HPSE2: variants seen among roughly 807,000 people sequenced by gnomAD.
HPSE2 encodes the protein heparanase 2 (inactive), also known as inactive heparanase-2.
In HPSE2, 38 loss-of-function variants were observed where a neutral mutation model predicts 60.5. That is an observed-to-expected ratio of 0.63 (90% CI 0.48 to 0.82). The LOEUF (loss-of-function observed/expected upper bound fraction) is 0.82. HPSE2 is among the 40% of genes least tolerant of loss of function. The pLI is 0.00. For missense variants in HPSE2, 713 were observed against 740.4 expected (o/e 0.96, Z 0.43); for synonymous variants, 295 against 293.2 (o/e 1.01, Z -0.06).
chr10:98,567,528 C>T (rs1057505712), intron 9 of HPSE2, among the ~76,000 whole-genome samples: 1 of 152,136 alleles, frequency 6.6e-6, no homozygotes, highest in East Asian at 1.9e-4. Flanking sequence ...ATCCTGTCAC[C>T]GGGATTTCTA....
intron 3 of HPSE2, among the ~76,000 whole-genome samples, chr10:98,913,370 T>C (rs993949396): frequency 6.6e-6 from 1 of 152,200 alleles, no homozygotes; most frequent in Non-Finnish European, 1.5e-5. Context: ...ACTTTATTTA[T>C]CTGCTTTAAT....
At chr10:99,222,802 A>G (rs1849356113) in intron 2 of HPSE2, among the ~76,000 whole-genome samples, 1 of 152,110 alleles carries the variant, frequency 6.6e-6, no homozygotes, top group Admixed American at 6.5e-5. Flanking sequence ...TCAACTGTTC[A>G]TGTGTCTTCC....
At chr10:99,232,598 G>C in intron 1 of HPSE2, 93 bp from the exon 2 acceptor site, 1 of 1,398,230 alleles carries the variant, frequency 7.2e-7, no homozygotes, top group Non-Finnish European at 9.9e-7. Flanking sequence ...CTCCCTGAGG[G>C]CGACCTGGCC....
intron 5 of HPSE2, among the ~76,000 whole-genome samples, chr10:98,705,932 A>G (rs915129042): frequency 2.0e-5 from 3 of 152,232 alleles, no homozygotes; most frequent in African/African-American, 7.2e-5. Context: ...AATTCAAAAC[A>G]AAAGAAATAT....
chr10:99,099,768 C>A (rs530044433), intron 3 of HPSE2, among the ~76,000 whole-genome samples: 8 of 152,154 alleles, frequency 5.3e-5, no homozygotes. Context: ...ACACCTCACA[C>A]GGCTGGGTAT....
chr10:98,539,219 C>T (rs1375946152), intron 9 of HPSE2, among the ~76,000 whole-genome samples: 1 of 152,170 alleles, frequency 6.6e-6, no homozygotes, highest in Non-Finnish European at 1.5e-5. Context: ...TGACACTTAC[C>T]CTTCCTTAAA....
At chr10:98,806,872 G>A (rs993041515) in intron 3 of HPSE2, among the ~76,000 whole-genome samples, 3 of 152,078 alleles carry the variant, frequency 2.0e-5, no homozygotes, top group African/African-American at 7.2e-5. Context: ...AGCTGGGTGC[G>A]GTGGCTCACG....
At chr10:99,267,335 T>C in the HPSE2 span, among the ~76,000 whole-genome samples, 1 of 151,504 alleles carries the variant, frequency 6.6e-6, no homozygotes, top group Admixed American at 6.6e-5. Flanking sequence ...GAAATACAAA[T>C]ATACTGGAAA....
At chr10:98,551,479 A>G (rs774071607) in intron 9 of HPSE2, among the ~76,000 whole-genome samples, 2 of 152,174 alleles carry the variant, frequency 1.3e-5, no homozygotes, top group Non-Finnish European at 2.9e-5. Context: ...TGAGACTGTC[A>G]ATAAAGATGC....
chr10:98,674,938 T>G (rs1342910910), intron 6 of HPSE2, among the ~76,000 whole-genome samples: 1 of 152,128 alleles, frequency 6.6e-6, no homozygotes, highest in Admixed American at 6.5e-5. Flanking sequence ...GAGGCACCAC[T>G]ACATGAATGT....
the HPSE2 span, among the ~76,000 whole-genome samples, chr10:99,259,527 G>A: frequency 6.6e-6 from 1 of 152,092 alleles, no homozygotes; most frequent in Admixed American, 6.5e-5. Flanking sequence ...AAAATTGCAC[G>A]AAAAGATGCT....
chr10:98,877,770 T>C (rs1291398003), intron 3 of HPSE2, among the ~76,000 whole-genome samples: 2 of 151,926 alleles, frequency 1.3e-5, no homozygotes, highest in East Asian at 3.9e-4. Context: ...TGCCCAGGCC[T>C]GTGTTCTAGT....
the HPSE2 span, among the ~76,000 whole-genome samples, chr10:99,305,979 G>GCGCGCGCGCGCGCACACACA: frequency 1.6e-4 from 13 of 80,582 alleles, no homozygotes; most frequent in Admixed American, 2.4e-4. Flanking sequence ...GCGCGCGCGC[G>GCGCGCGCGCGCGCACACACA]CACACACACA....
At chr10:98,862,612 T>A (rs1952484891) in intron 3 of HPSE2, among the ~76,000 whole-genome samples, 1 of 152,180 alleles carries the variant, frequency 6.6e-6, no homozygotes, top group Admixed American at 6.5e-5. Flanking sequence ...AAGGATATAC[T>A]AGGCTTAGCA....
chr10:98,980,258 T>A (rs554484164), intron 3 of HPSE2, among the ~76,000 whole-genome samples: 16 of 152,346 alleles, frequency 1.1e-4, no homozygotes, highest in African/African-American at 3.6e-4. Context: ...TATGTTAATC[T>A]TTTAGTACAT....
rs1377642951 is a variant in HPSE2 at position 98,928,841 on chromosome 10, G to C, written c.611-184785C>G. Reference sequence around the variant, plus strand: ...CATCACACTCTGGGGACTGTTGTGGGGTGGGGGGAGGGGGGAGGGATAGCA... The same window carrying C: ...CATCACACTCTGGGGACTGTTGTGGCGTGGGGGGAGGGGGGAGGGATAGCA... On this transcript the variant is annotated intron_variant, in intron 3 of 11. Transcript: ENST00000370552. Among the ~76,000 whole-genome samples the C allele has an allele frequency of 9.3e-5, 9 of 96,700 alleles. No homozygotes were observed. In the East Asian group the frequency reaches 3.1e-3, roughly 33 times the overall value. The allele number at this position is 96,700 out of a possible 152,430, so 63.4% of individuals were successfully genotyped here. A position where few individuals can be genotyped will look rare whatever the true frequency, so the allele number is the denominator to read the frequency against.
intron 3 of HPSE2, among the ~76,000 whole-genome samples, chr10:98,763,288 T>C (rs1314414039): frequency 6.6e-6 from 1 of 151,928 alleles, no homozygotes; most frequent in Non-Finnish European, 1.5e-5. Flanking sequence ...AAAGAAACAG[T>C]AGTTGAAAAC....
chr10:99,091,735 G>A (rs1386160055), intron 3 of HPSE2, among the ~76,000 whole-genome samples: 1 of 152,128 alleles, frequency 6.6e-6, no homozygotes, highest in Non-Finnish European at 1.5e-5. Flanking sequence ...ATGGGGGCAT[G>A]AATGTCATTA....
intron 3 of HPSE2, among the ~76,000 whole-genome samples, chr10:98,770,577 T>C (rs1313108992): frequency 6.6e-6 from 1 of 152,120 alleles, no homozygotes; most frequent in Non-Finnish European, 1.5e-5. Context: ...AATTTTGGCT[T>C]GAGGACTCCC....
Sources: allele counts gnomAD v4.1 joint callset (sites outside exome capture counted in the v4.1 genomes callset), GRCh38; gene constraint gnomAD v4.1.1; transcripts MANE v1.5; gene names NCBI Gene and HGNC (gene_info 2026-07-23, HGNC 2026-07-21).